Variants in CYP2C19 observed in about 807,000 individuals in gnomAD.
CYP2C19 encodes cytochrome P450 family 2 subfamily C member 19, also known as cytochrome P450 2C19.
Under a neutral mutation model 40.9 loss-of-function variants are expected in CYP2C19, and 59 were observed. That is an observed-to-expected ratio of 1.44 (90% CI 1.17 to 1.79). CYP2C19 has a LOEUF of 1.79. CYP2C19 is among the 40% of genes most tolerant of loss of function. The pLI is 0.00. For synonymous variants in CYP2C19, 253 were observed against 208.7 expected (o/e 1.21, Z -1.83); for missense variants, 754 against 596.9 (o/e 1.26, Z -2.74).
intron 5 of CYP2C19, among the ~76,000 whole-genome samples, chr10:94,808,965 G>A (rs1848874608): frequency 6.6e-6 from 1 of 152,034 alleles, no homozygotes; most frequent in African/African-American, 2.4e-5. Context: ...TGGGATTGCT[G>A]GGTCATTTGG....
rs569120975 is a variant in CYP2C19, at chr10:94,853,692, C to T, written c.*778C>T. Among the ~76,000 whole-genome samples the T allele has an allele frequency of 4.1e-4, 63 of 151,816 alleles. No individual in the cohort carries two copies. The highest frequency in any genetic ancestry group is 1.3e-3 in the African/African-American group (54 of 41,402). On this transcript the variant is annotated 3_prime_UTR_variant, in exon 9 of 9. Coordinates refer to ENST00000371321, the MANE Select transcript of CYP2C19 (RefSeq NM_000769.4). ...TCCTGAGTAGCTGGGATTACAGACA[C>T]GTGCCACCATGCCTGGCTAATTTTT...
chr10:94,800,892 G>A (rs570760000), intron 5 of CYP2C19, among the ~76,000 whole-genome samples: 2 of 152,304 alleles, frequency 1.3e-5, no homozygotes, highest in East Asian at 3.9e-4. Context: ...GTATTTGAGT[G>A]AGAGTGTCCT....
intron 4 of CYP2C19, 75 bp downstream of exon 4, chr10:94,780,734 A>G (rs967068256): frequency 7.8e-6 from 12 of 1,529,612 alleles, no homozygotes; most frequent in Non-Finnish European, 1.1e-5. Flanking sequence ...TTCTATATTG[A>G]CCAAGCCCTG....
chr10:94,817,897 C>T (rs1048951073), intron 5 of CYP2C19, among the ~76,000 whole-genome samples: 10 of 150,910 alleles, frequency 6.6e-5, no homozygotes, highest in Admixed American at 5.3e-4. Flanking sequence ...CCTGTAGTCC[C>T]AGCTACTTGG....
At chr10:94,811,578 G>T (rs1468475902) in intron 5 of CYP2C19, among the ~76,000 whole-genome samples, 1 of 151,984 alleles carries the variant, frequency 6.6e-6, no homozygotes, top group Non-Finnish European at 1.5e-5. Flanking sequence ...TATTGGGTGT[G>T]TATCTATTTA....
intron 6 of CYP2C19, among the ~76,000 whole-genome samples, chr10:94,828,772 A>G (rs1489002726): frequency 6.6e-6 from 1 of 152,018 alleles, no homozygotes; most frequent in Non-Finnish European, 1.5e-5. Flanking sequence ...TGGTCTTTAC[A>G]TTTTGGCATG....
chr10:94,789,377 T>C (rs1271221008), intron 5 of CYP2C19, among the ~76,000 whole-genome samples: 1 of 152,100 alleles, frequency 6.6e-6, no homozygotes, highest in Non-Finnish European at 1.5e-5. Flanking sequence ...TTTTGGTTTT[T>C]GTTGCCATTA....
chr10:94,770,028 A>C (rs1419845802), intron 1 of CYP2C19, among the ~76,000 whole-genome samples: 2 of 152,196 alleles, frequency 1.3e-5, no homozygotes, highest in Non-Finnish European at 2.9e-5. Context: ...AGGCTGTCCC[A>C]GGATTTCTCA....
intron 7 of CYP2C19, among the ~76,000 whole-genome samples, chr10:94,849,429 G>T (rs528408207): frequency 2.2e-4 from 33 of 149,190 alleles, no homozygotes; most frequent in Non-Finnish European, 4.5e-4. Context: ...AGTACAAAGA[G>T]AAAAAAAAAG....
chr10:94,811,602 T>C (rs1201207229), intron 5 of CYP2C19, among the ~76,000 whole-genome samples: 1 of 152,216 alleles, frequency 6.6e-6, no homozygotes, highest in Non-Finnish European at 1.5e-5. Flanking sequence ...TAGTTAGCTC[T>C]TCTCGTTGCA....
chr10:94,836,803 C>T (rs909344979), intron 6 of CYP2C19, among the ~76,000 whole-genome samples: 5 of 152,132 alleles, frequency 3.3e-5, no homozygotes, highest in African/African-American at 9.7e-5. Flanking sequence ...AATTTAAGAG[C>T]GCTTGGGTGG....
At chr10:94,794,949 T>A (rs1330319686) in intron 5 of CYP2C19, among the ~76,000 whole-genome samples, 1 of 151,994 alleles carries the variant, frequency 6.6e-6, no homozygotes, top group African/African-American at 2.4e-5. Context: ...CTATGTTGAA[T>A]AGGAGTGATG....
At chr10:94,789,134 T>G (rs542010258) in intron 5 of CYP2C19, among the ~76,000 whole-genome samples, 2 of 152,300 alleles carry the variant, frequency 1.3e-5, no homozygotes, top group South Asian at 4.1e-4. Context: ...TTTGGCCACA[T>G]AGATGTCTTC....
intron 1 of CYP2C19, among the ~76,000 whole-genome samples, chr10:94,763,077 G>A (rs1384369695): frequency 6.6e-6 from 1 of 152,140 alleles, no homozygotes; most frequent in Non-Finnish European, 1.5e-5. Context: ...AAAGATTTAG[G>A]TCTTTGCATG....
intron 5 of CYP2C19, among the ~76,000 whole-genome samples, chr10:94,786,809 C>T (rs951447163): frequency 1.3e-5 from 2 of 152,086 alleles, no homozygotes. Context: ...AAGACAATGG[C>T]CTCCAGCTGC....
Position 94,820,651 on chromosome 10 carries a change from G to T in CYP2C19, c.961+14G>T. 6.2e-7 allele frequency: 1 copy of T among 1,614,112 alleles called. No individual in the cohort carries two copies. Among genetic ancestry groups the T allele is most frequent in the South Asian group, 1.1e-5 (1 of 91,084 alleles). On this transcript the variant is annotated intron_variant, in intron 6 of 8. Coordinates refer to ENST00000371321, the MANE Select transcript of CYP2C19 (RefSeq NM_000769.4). ...CAGAGGTCACAGGTATGATCACAGA[G>T]GATGAGTTAATTGAGTTTTAGGAAA...
chr10:94,836,883 C>A (rs1849412829), intron 6 of CYP2C19, among the ~76,000 whole-genome samples: 1 of 152,126 alleles, frequency 6.6e-6, no homozygotes, highest in African/African-American at 2.4e-5. Flanking sequence ...ACAAGAGTGT[C>A]CAGGTATGAG....
intron 5 of CYP2C19, among the ~76,000 whole-genome samples, chr10:94,793,996 G>C (rs191991016): frequency 6.6e-6 from 1 of 152,150 alleles, no homozygotes; most frequent in African/African-American, 2.4e-5. Flanking sequence ...CTTGAGGTGC[G>C]GTGGTCTCCA....
Position 94,850,151 on chromosome 10 carries a change from G to T in CYP2C19, c.1291+93G>T, listed in dbSNP as rs989106623. ...CATGTGCCTTCTCTGCAGTGGTACA[G>T]TTACTCTTTGTACATGATCAAGAGC... is the stretch of plus-strand genomic sequence containing the variant. On this transcript the variant is annotated intron_variant, in intron 8 of 8. Coordinates refer to ENST00000371321, the MANE Select transcript of CYP2C19 (RefSeq NM_000769.4). The T allele has an allele frequency of 1.2e-5, 17 of 1,395,550 alleles. No homozygotes were observed. In the South Asian group the frequency reaches 1.9e-4, roughly 15 times the overall value. 86.4% of individuals were successfully genotyped at this position (1,395,550 alleles called of 1,614,324 possible).
Sources: allele counts gnomAD v4.1 joint callset (sites outside exome capture counted in the v4.1 genomes callset), GRCh38; gene constraint gnomAD v4.1.1; transcripts MANE v1.5; gene names NCBI Gene and HGNC (gene_info 2026-07-23, HGNC 2026-07-21).